QKI: variants seen among roughly 807,000 people sequenced by gnomAD.
QKI encodes KH domain-containing RNA-binding protein QKI.
QKI carries 10 observed loss-of-function variants against 39.0 expected under a neutral mutation model. The ratio of observed to expected loss-of-function variants is 0.26; its 90% CI spans 0.16 to 0.43. QKI has a LOEUF of 0.43. QKI is among the 20% of genes least tolerant of loss of function. The probability of loss-of-function intolerance (pLI) is 1.00; values close to 1 mark genes in which losing one functional copy is unlikely to be tolerated. For synonymous variants in QKI, 204 were observed against 155.4 expected, an observed-to-expected ratio of 1.31 and a Z score of -2.33; for missense variants, 218 against 428.0, an observed-to-expected ratio of 0.51 and a Z score of 4.33.
rs376906500 is a variant in QKI, at chr6:163,457,155, A to G, written c.285+1734A>G. On this transcript the variant is annotated intron_variant, in intron 2 of 7. Transcript: ENST00000361752. ...GTTTTGCTTATTTAAACGTTAAGGG[A>G]TAATGTTTCTGCAGTGGGCATTAAC... is the stretch of plus-strand genomic sequence containing the variant. 8.5e-5 allele frequency among the ~76,000 whole-genome samples: 13 copies of G among 152,332 alleles called. No individual in the cohort carries two copies. In the South Asian group the frequency reaches 2.5e-3, roughly 29 times the overall value.
chr6:163,434,899 C>G (rs1201901215), intron 1 of QKI, among the ~76,000 whole-genome samples: 2 of 151,762 alleles, frequency 1.3e-5, no homozygotes, highest in Non-Finnish European at 2.9e-5. Flanking sequence ...AAGGTAAAGT[C>G]AGGTAGAAGT....
chr6:163,487,880 C>CT (rs781616864), intron 3 of QKI, among the ~76,000 whole-genome samples: 4 of 151,786 alleles, frequency 2.6e-5, no homozygotes, highest in Non-Finnish European at 4.4e-5. Context: ...TTTCTAGGTC[C>CT]TTTTTTTCAG....
chr6:163,478,887 T>TA lies in QKI; in HGVS notation c.401dup (p.Glu135GlyfsTer5), dbSNP rs755727862. ...TCCGAGGCAAAGGCTCAATGAGGGA[T>TA]AAAAAAAAGGTAAGTCCTTGAAAAT... On this transcript the variant is annotated frameshift_variant, in exon 3 of 8. Coordinates refer to ENST00000361752, the MANE Select transcript of QKI (RefSeq NM_006775.3). LOFTEE classifies it high-confidence loss of function. 16 of 1,603,500 alleles carry TA rather than the reference T, an allele frequency of 1.0e-5. No homozygotes were observed. Among genetic ancestry groups the TA allele is most frequent in the African/African-American group, 1.3e-5 (1 of 74,226 alleles).
intron 3 of QKI, among the ~76,000 whole-genome samples, chr6:163,497,672 C>G (rs1778498386): frequency 6.6e-6 from 1 of 151,118 alleles, no homozygotes; most frequent in South Asian, 2.1e-4. Context: ...TGTTAAAACC[C>G]TATTACCTTT....
At chr6:163,462,089 T>C (rs1047324741) in intron 2 of QKI, among the ~76,000 whole-genome samples, 2 of 152,148 alleles carry the variant, frequency 1.3e-5, no homozygotes, top group African/African-American at 2.4e-5. Context: ...AATCATTTCA[T>C]TGGGAAAAAA....
intron 7 of QKI, chr6:163,570,405 TGTTA>T (rs946725365): frequency 1.0e-5 from 10 of 981,090 alleles, no homozygotes; most frequent in African/African-American, 1.8e-5. Flanking sequence ...AACTATTAGT[TGTTA>T]GTTGTATTTT....
intron 1 of QKI, among the ~76,000 whole-genome samples, chr6:163,446,790 C>T (rs1251769817): frequency 6.6e-6 from 1 of 152,138 alleles, no homozygotes; most frequent in African/African-American, 2.4e-5. Flanking sequence ...AATGAAGGCC[C>T]TCCCCACCAA....
chr6:163,569,859 T>C (rs1783600682), intron 7 of QKI: 1 of 987,948 alleles, frequency 1.0e-6, no homozygotes, highest in Non-Finnish European at 1.2e-6. Flanking sequence ...ATTTCTTCTA[T>C]TTTTTGATGT....
chr6:163,451,171 G>A (rs1414484289), intron 1 of QKI, among the ~76,000 whole-genome samples: 1 of 152,198 alleles, frequency 6.6e-6, no homozygotes, highest in Non-Finnish European at 1.5e-5. Flanking sequence ...TTATGGAATG[G>A]TAGAGACTTG....
At chr6:163,502,177 G>A (rs1315445485) in intron 3 of QKI, among the ~76,000 whole-genome samples, 2 of 151,994 alleles carry the variant, frequency 1.3e-5, no homozygotes, top group Admixed American at 6.6e-5. Context: ...ACAAAAACTA[G>A]CCAGACATGG....
At chr6:163,458,920 C>G (rs1021497134) in intron 2 of QKI, among the ~76,000 whole-genome samples, 7 of 152,212 alleles carry the variant, frequency 4.6e-5, no homozygotes, top group Middle Eastern at 3.4e-3. Flanking sequence ...CTTAGTCAGG[C>G]CTAGGTTTTG....
intron 3 of QKI, among the ~76,000 whole-genome samples, chr6:163,533,656 C>T (rs1781015799): frequency 6.6e-6 from 1 of 152,154 alleles, no homozygotes; most frequent in Non-Finnish European, 1.5e-5. Context: ...TATGTTGAAA[C>T]AGTCAGATAT....
chr6:163,509,067 A>G (rs1258516327), intron 3 of QKI, among the ~76,000 whole-genome samples: 1 of 151,988 alleles, frequency 6.6e-6, no homozygotes, highest in Non-Finnish European at 1.5e-5. Flanking sequence ...TGAATCCGGG[A>G]GGCGGAGTTG....
intron 3 of QKI, among the ~76,000 whole-genome samples, chr6:163,504,324 T>G (rs1219147301): frequency 6.6e-6 from 1 of 152,188 alleles, no homozygotes; most frequent in Non-Finnish European, 1.5e-5. Context: ...TTGCTTAGGA[T>G]TGCTTTTCCT....
chr6:163,504,715 G>A (rs1220983270), intron 3 of QKI, among the ~76,000 whole-genome samples: 1 of 152,180 alleles, frequency 6.6e-6, no homozygotes, highest in Non-Finnish European at 1.5e-5. Flanking sequence ...AAACTTTACT[G>A]TGAAGTCATT....
chr6:163,509,098 A>T (rs1041834506), intron 3 of QKI, among the ~76,000 whole-genome samples: 31 of 152,214 alleles, frequency 2.0e-4, no homozygotes, highest in African/African-American at 7.2e-4. Context: ...AGATTGTGCC[A>T]CTGCACTCCA....
intron 1 of QKI, among the ~76,000 whole-genome samples, chr6:163,444,339 A>G (rs115390747): frequency 1.4e-4 from 22 of 152,338 alleles, no homozygotes; most frequent in African/African-American, 4.1e-4. Context: ...TTCAGTTTGA[A>G]GGCACACAGC....
At chr6:163,514,814 A>T (rs7775850) in intron 3 of QKI, among the ~76,000 whole-genome samples, 105,098 of 152,010 alleles carry the variant, frequency 0.69, 37,403 homozygotes, top group East Asian at 1. Context: ...AGAAGAAAAC[A>T]TAGGAGATAC....
intron 6 of QKI, 148 bp downstream of exon 6, chr6:163,563,867 C>T (rs1783187131): frequency 6.9e-7 from 1 of 1,441,092 alleles, no homozygotes; most frequent in African/African-American, 1.4e-5. Context: ...TTATTTCAGC[C>T]TCTCATAAGG....
Sources: gnomAD v4.1 joint callset for allele counts (sites outside exome capture counted in the v4.1 genomes callset) on GRCh38, gnomAD v4.1.1 for gene constraint, MANE v1.5 for transcripts, NCBI Gene and HGNC (gene_info 2026-07-23, HGNC 2026-07-21) for gene names.